The following SPOCK1 variants were observed in gnomAD, a reference collection of about 807,000 sequenced individuals.
SPOCK1 encodes the protein testican-1.
In SPOCK1, 23 loss-of-function variants were observed where a neutral mutation model predicts 55.3. The ratio of observed to expected loss-of-function variants is 0.42; its 90% confidence interval spans 0.30 to 0.59. The LOEUF (loss-of-function observed/expected upper bound fraction) is 0.59, where lower values mean the gene tolerates loss of function less well. Ranked by LOEUF, SPOCK1 falls within the 20% of genes least tolerant of loss-of-function variation. SPOCK1 has a pLI of 0.22. For synonymous variants in SPOCK1, 226 were observed against 221.0 expected (o/e 1.02, Z -0.20); for missense variants, 499 against 552.5 (o/e 0.90, Z 0.97).
intron 3 of SPOCK1, among the ~76,000 whole-genome samples, chr5:137,192,978 C>T (rs1755213335): frequency 6.6e-6 from 1 of 152,158 alleles, no homozygotes; most frequent in East Asian, 1.9e-4. Context: ...ATACTAGGGT[C>T]CTCACTGACA....
At chr5:137,378,879 A>G (rs1751393869) in intron 2 of SPOCK1, among the ~76,000 whole-genome samples, 1 of 152,216 alleles carries the variant, frequency 6.6e-6, no homozygotes, top group African/African-American at 2.4e-5. Context: ...AGGGGTAAAA[A>G]GGCACCAGAA....
intron 4 of SPOCK1, among the ~76,000 whole-genome samples, chr5:137,135,057 C>T (rs1175535101): frequency 6.6e-6 from 1 of 152,138 alleles, no homozygotes; most frequent in Non-Finnish European, 1.5e-5. Flanking sequence ...GGAAGTCGGG[C>T]CATGTCTGCT....
chr5:137,275,398 C>G (rs1304627416), intron 2 of SPOCK1, among the ~76,000 whole-genome samples: 1 of 152,202 alleles, frequency 6.6e-6, no homozygotes, highest in Non-Finnish European at 1.5e-5. Context: ...CTTATCCTCT[C>G]ACCAAACACA....
In SPOCK1 at chr5:137,029,035, T is replaced by C. The variant is rs141073267; in HGVS notation, c.590-36435A>G. 3.0e-4 allele frequency among the ~76,000 whole-genome samples: 45 copies of C among 151,972 alleles called. No individual in the cohort carries two copies. The East Asian group carries it at 8.5e-3, about 29-fold the overall frequency. On this transcript the variant is annotated intron_variant, in intron 6 of 10. Coordinates refer to ENST00000394945, the MANE Select transcript of SPOCK1 (RefSeq NM_004598.4). ...GGCTGCCTGCTTATGGTCAACTGAG[T>C]CCCCTTGCTCTAATTCCCAGCTCAC...
intron 2 of SPOCK1, among the ~76,000 whole-genome samples, chr5:137,384,245 C>A (rs924288261): frequency 6.6e-6 from 1 of 152,208 alleles, no homozygotes; most frequent in African/African-American, 2.4e-5. Flanking sequence ...GGAATAAGCA[C>A]AAATGCTCAC....
At chr5:137,111,875 G>A (rs550969695) in intron 5 of SPOCK1, among the ~76,000 whole-genome samples, 30 of 152,158 alleles carry the variant, frequency 2.0e-4, no homozygotes, top group South Asian at 6.2e-4. Flanking sequence ...TCTTGTTGTT[G>A]GTTTGAGTTA....
At chr5:137,091,984 C>T (rs925863029) in intron 5 of SPOCK1, among the ~76,000 whole-genome samples, 4 of 152,088 alleles carry the variant, frequency 2.6e-5, no homozygotes, top group Non-Finnish European at 4.4e-5. Context: ...ATTATTTTCC[C>T]GTCAAGTCCC....
chr5:137,382,989 G>A (rs1751508436), intron 2 of SPOCK1, among the ~76,000 whole-genome samples: 2 of 152,076 alleles, frequency 1.3e-5, no homozygotes, highest in South Asian at 2.1e-4. Flanking sequence ...CCACGTAGAA[G>A]AGCCAGCACC....
intron 3 of SPOCK1, among the ~76,000 whole-genome samples, chr5:137,176,373 G>A (rs144123027): frequency 1.7e-3 from 259 of 152,198 alleles, no homozygotes; most frequent in African/African-American, 5.9e-3. Context: ...AGATCCCCTA[G>A]AAGCAGGGAA....
intron 2 of SPOCK1, among the ~76,000 whole-genome samples, chr5:137,418,446 C>T (rs1490088910): frequency 3.3e-5 from 5 of 152,110 alleles, no homozygotes; most frequent in Middle Eastern, 6.8e-3. Context: ...TCCTATTTCT[C>T]CACATCCTCT....
At chr5:137,402,598 C>A (rs1752005806) in intron 2 of SPOCK1, among the ~76,000 whole-genome samples, 1 of 152,122 alleles carries the variant, frequency 6.6e-6, no homozygotes, top group African/African-American at 2.4e-5. Flanking sequence ...GCTGGGGTTG[C>A]AAAAGCAGCC....
chr5:137,019,629 AGATTTT>A (rs1751528582), intron 6 of SPOCK1, among the ~76,000 whole-genome samples: 1 of 152,072 alleles, frequency 6.6e-6, no homozygotes, highest in Non-Finnish European at 1.5e-5. Flanking sequence ...CTATTTGCCA[AGATTTT>A]ACTTAGAATG....
chr5:137,135,195 G>A (rs1753957870), intron 4 of SPOCK1, among the ~76,000 whole-genome samples: 1 of 152,182 alleles, frequency 6.6e-6, no homozygotes, highest in African/African-American at 2.4e-5. Context: ...TTGAGAATGT[G>A]GCTTGTCTGG....
At chr5:137,346,837 T>A (rs940889211) in intron 2 of SPOCK1, among the ~76,000 whole-genome samples, 7 of 152,026 alleles carry the variant, frequency 4.6e-5, no homozygotes, top group African/African-American at 1.7e-4. Flanking sequence ...AAACTGATGA[T>A]CTGATAAAGA....
At chr5:137,298,748 C>G (rs781213802) in intron 2 of SPOCK1, among the ~76,000 whole-genome samples, 1 of 152,186 alleles carries the variant, frequency 6.6e-6, no homozygotes, top group Non-Finnish European at 1.5e-5. Context: ...AAGTACCTCT[C>G]TTTATCTGTG....
At chr5:136,980,181 CAAAA>C (rs11288318) in intron 9 of SPOCK1, among the ~76,000 whole-genome samples, 33 of 134,468 alleles carry the variant, frequency 2.5e-4, no homozygotes, top group Admixed American at 5.9e-4. Flanking sequence ...TGTTTGCAGG[CAAAA>C]AAAAAAAAAA....
chr5:137,353,091 A>G (rs1011260527), intron 2 of SPOCK1, among the ~76,000 whole-genome samples: 3 of 152,210 alleles, frequency 2.0e-5, no homozygotes, highest in African/African-American at 4.8e-5. Context: ...CCTAAAAGTG[A>G]CACAGGAGCC....
At chr5:137,191,207 T>C (rs1755172738) in intron 3 of SPOCK1, among the ~76,000 whole-genome samples, 1 of 152,238 alleles carries the variant, frequency 6.6e-6, no homozygotes. Context: ...GAGTGTTTCC[T>C]CTTCTGAAAA....
intron 5 of SPOCK1, among the ~76,000 whole-genome samples, chr5:137,107,475 A>T (rs1342916772): frequency 6.6e-6 from 1 of 152,198 alleles, no homozygotes; most frequent in Non-Finnish European, 1.5e-5. Flanking sequence ...AATTCCCTGT[A>T]GTACCCTTCT....
Sources: gnomAD v4.1 joint callset for allele counts (sites outside exome capture counted in the v4.1 genomes callset) on GRCh38, gnomAD v4.1.1 for gene constraint, MANE v1.5 for transcripts, NCBI Gene and HGNC (gene_info 2026-07-23, HGNC 2026-07-21) for gene names.